CDH4: variants seen among roughly 807,000 people sequenced by gnomAD.
CDH4 encodes cadherin 4.
CDH4 carries 33 observed loss-of-function variants against 86.0 expected under a neutral mutation model. The observed-to-expected ratio is 0.38, with a 90% CI of 0.29 to 0.51. The LOEUF (loss-of-function observed/expected upper bound fraction) is 0.51, where lower values mean the gene tolerates loss of function less well. Among genes scored for constraint, CDH4 ranks in the 20% least tolerant of loss-of-function variants. The pLI is 0.86. For missense variants in CDH4, 1,114 were observed against 1,307.4 expected, an observed-to-expected ratio of 0.85 and a Z score of 2.28; for synonymous variants, 555 against 549.4, an observed-to-expected ratio of 1.01 and a Z score of -0.14.
At position 61,393,346 on chromosome 20, in the gene CDH4, G is replaced by A. The variant is rs1263992469; in HGVS notation, c.169+138409G>A. 2.6e-5 allele frequency among the ~76,000 whole-genome samples: 4 copies of A among 152,104 alleles called. No individual in the cohort carries two copies. Among genetic ancestry groups the A allele is most frequent in the South Asian group, 2.1e-4 (1 of 4,814 alleles). The stretch of plus-strand genomic sequence containing the variant: ...AGTGGTGTGGGGGACAGCAGCCGGG[G>A]GGGGCCGGGGTCTTCCTTACCTCCT... On this transcript the variant is annotated intron_variant, in intron 2 of 15. Transcript: ENST00000614565. This position sits in a 1 kb window ranked among gnomAD's most constrained non-coding sequence, Gnocchi z 4.3.
At chr20:61,860,969 G>C (rs1983295873) in intron 6 of CDH4, among the ~76,000 whole-genome samples, 1 of 152,216 alleles carries the variant, frequency 6.6e-6, no homozygotes, top group Non-Finnish European at 1.5e-5. Context: ...CAGCCCCCCA[G>C]GGTGCCTTTG....
At chr20:61,782,049 G>T (rs1978574539) in intron 4 of CDH4, among the ~76,000 whole-genome samples, 1 of 152,206 alleles carries the variant, frequency 6.6e-6, no homozygotes. Context: ...GTTCACACCT[G>T]TAATCCCAGC....
At chr20:61,921,789 A>C (rs1293921246) in intron 9 of CDH4, among the ~76,000 whole-genome samples, 3 of 152,186 alleles carry the variant, frequency 2.0e-5, no homozygotes, top group East Asian at 1.9e-4. Context: ...TATGATAAGA[A>C]ATAGAGAGCA....
chr20:61,881,699 G>A (rs78504907), intron 7 of CDH4, among the ~76,000 whole-genome samples: 3,870 of 152,330 alleles, frequency 0.025, 181 homozygotes, highest in African/African-American at 0.088. Flanking sequence ...CAGGTGGGGA[G>A]GAGTGAGAAC....
chr20:61,621,103 T>C (rs1456973140), intron 2 of CDH4, among the ~76,000 whole-genome samples: 1 of 152,252 alleles, frequency 6.6e-6, no homozygotes, highest in Non-Finnish European at 1.5e-5. Context: ...TATCTTAAGA[T>C]GGCGCCGTCA....
intron 5 of CDH4, among the ~76,000 whole-genome samples, chr20:61,851,161 A>G (rs1235276655): frequency 1.3e-5 from 2 of 152,174 alleles, no homozygotes; most frequent in Non-Finnish European, 2.9e-5. Context: ...CTGTTTAAAC[A>G]TGATATGTAA....
chr20:61,613,383 C>T (rs1012476631), intron 2 of CDH4, among the ~76,000 whole-genome samples: 6 of 152,004 alleles, frequency 3.9e-5, no homozygotes, highest in Admixed American at 6.5e-5. Context: ...GGCCCAGGGC[C>T]GTGTGCGTAG....
chr20:61,765,097 C>T lies in CDH4; in HGVS notation c.397-7906C>T, dbSNP rs1004565074. Among the ~76,000 whole-genome samples the T allele has an allele frequency of 3.3e-5, 5 of 152,300 alleles. No homozygotes were observed. The South Asian group carries it at 1.0e-3, about 32-fold the overall frequency. ...CATCCCTGGGAGCCTCAGGCCCCCA[C>T]ACCCTTCATCTGCCCCCTGAGGAAA... On this transcript the variant is annotated intron_variant, in intron 3 of 15. Transcript: ENST00000614565.
chr20:61,440,245 T>G (rs2085307027), intron 2 of CDH4, among the ~76,000 whole-genome samples: 1 of 152,186 alleles, frequency 6.6e-6, no homozygotes, highest in African/African-American at 2.4e-5. Context: ...AGTTAGCCCA[T>G]GAGAGTAGAA....
intron 2 of CDH4, among the ~76,000 whole-genome samples, chr20:61,404,671 G>A (rs2085070334): frequency 6.6e-6 from 1 of 151,660 alleles, no homozygotes; most frequent in Admixed American, 6.6e-5. Context: ...TAAGGAAAAT[G>A]TGAAACATCC....
rs2088531606 is a variant in CDH4, at chr20:61,754,245, CCAGAGCCTTT to C, written c.396+10460_396+10469del. Among the ~76,000 whole-genome samples, 1 of 152,142 alleles carries C rather than the reference CCAGAGCCTTT, an allele frequency of 6.6e-6. No homozygotes were observed. Among genetic ancestry groups the C allele is most frequent in the Non-Finnish European group, 1.5e-5 (1 of 68,028 alleles). On this transcript the variant is annotated intron_variant, in intron 3 of 15. Coordinates refer to ENST00000614565, the MANE Select transcript of CDH4 (RefSeq NM_001794.5). This position sits in a 1 kb window ranked among gnomAD's most constrained non-coding sequence, Gnocchi z 4.7. The stretch of plus-strand genomic sequence containing the variant: ...CTGTCTCAGCCCACTGGCTTGTGGA[CCAGAGCCTTT>C]CAGCCGAGGTGGAGACTCAGATGGC...
chr20:61,354,191 C>T (rs2084732864), intron 2 of CDH4, among the ~76,000 whole-genome samples: 1 of 152,032 alleles, frequency 6.6e-6, no homozygotes, highest in South Asian at 2.1e-4. Context: ...CCCCCAGAGG[C>T]CCAAATGTCC....
At chr20:61,270,378 G>T (rs545994464) in intron 2 of CDH4, among the ~76,000 whole-genome samples, 1 of 152,174 alleles carries the variant, frequency 6.6e-6, no homozygotes, top group Non-Finnish European at 1.5e-5. Flanking sequence ...ATACAAAGAA[G>T]GGATTATATA....
At chr20:61,769,979 T>G (rs531822167) in intron 3 of CDH4, among the ~76,000 whole-genome samples, 4 of 152,326 alleles carry the variant, frequency 2.6e-5, no homozygotes, top group Non-Finnish European at 4.4e-5. Flanking sequence ...AAGGGCCAGA[T>G]GCAGAGTCCT....
intron 2 of CDH4, among the ~76,000 whole-genome samples, chr20:61,534,022 G>A (rs1023954080): frequency 2.6e-5 from 4 of 152,202 alleles, no homozygotes; most frequent in Non-Finnish European, 5.9e-5. Context: ...AATGTTAACA[G>A]ATTTGTTCCA....
At chr20:61,615,529 C>T (rs1453873551) in intron 2 of CDH4, among the ~76,000 whole-genome samples, 1 of 152,164 alleles carries the variant, frequency 6.6e-6, no homozygotes, top group African/African-American at 2.4e-5. Flanking sequence ...AAGTTTCCAG[C>T]ATTAATATTT....
In CDH4 at chr20:61,690,076, G is replaced by A. The variant is rs551768123; in HGVS notation, c.170-53487G>A. On this transcript the variant is annotated intron_variant, in intron 2 of 15. Coordinates refer to ENST00000614565, the MANE Select transcript of CDH4 (RefSeq NM_001794.5). ...CCGGCAGGGACGGTGAGTTGGTGAGGTGATGTGGATTCTGACAGGGACAGT... is the reference window on the plus strand; with the variant it reads ...CCGGCAGGGACGGTGAGTTGGTGAGATGATGTGGATTCTGACAGGGACAGT... Among the ~76,000 whole-genome samples the A allele has an allele frequency of 3.1e-4, 46 of 148,224 alleles. 1 individual carries two copies. The highest frequency in any genetic ancestry group is 2.2e-3 in the Admixed American group (33 of 15,070).
At chr20:61,536,940 C>T (rs775115062) in intron 2 of CDH4, among the ~76,000 whole-genome samples, 1 of 152,186 alleles carries the variant, frequency 6.6e-6, no homozygotes, top group Non-Finnish European at 1.5e-5. Flanking sequence ...TGCAGGTACA[C>T]CCTATGCTCC....
At chr20:61,451,629 C>T (rs775192924) in intron 2 of CDH4, among the ~76,000 whole-genome samples, 7 of 151,920 alleles carry the variant, frequency 4.6e-5, no homozygotes, top group Non-Finnish European at 8.8e-5. Flanking sequence ...GTGGACATAC[C>T]TAGGAGAGCT....
Sources: gnomAD v4.1 joint callset for allele counts (sites outside exome capture counted in the v4.1 genomes callset) on GRCh38, gnomAD v4.1.1 for gene constraint, Gnocchi (gnomAD v3.1) non-coding constraint, MANE v1.5 for transcripts, NCBI Gene and HGNC (gene_info 2026-07-23, HGNC 2026-07-21) for gene names.